PNPT1: variants seen among roughly 807,000 people sequenced by gnomAD.
PNPT1 encodes polyribonucleotide nucleotidyltransferase 1.
PNPT1 carries 53 observed loss-of-function variants against 119.5 expected under a neutral mutation model. The ratio of observed to expected loss-of-function variants is 0.44; its 90% CI spans 0.36 to 0.56. PNPT1 has a LOEUF of 0.56. PNPT1 is among the 20% of genes least tolerant of loss of function. PNPT1 has a pLI of 0.00. For synonymous variants in PNPT1, 357 were observed against 322.1 expected (o/e 1.11, Z -1.16); for missense variants, 948 against 938.5 (o/e 1.01, Z -0.13).
intron 15 of PNPT1, among the ~76,000 whole-genome samples, chr2:55,659,547 A>C (rs1215716471): frequency 6.6e-6 from 1 of 151,716 alleles, no homozygotes; most frequent in Non-Finnish European, 1.5e-5. Flanking sequence ...CTAAAACGAT[A>C]TTGTCTGCTA....
intron 8 of PNPT1, among the ~76,000 whole-genome samples, chr2:55,679,394 TTA>T (rs1697177686): frequency 6.6e-6 from 1 of 152,152 alleles, no homozygotes; most frequent in African/African-American, 2.4e-5. Context: ...GAAATTATTT[TTA>T]GACTAAAAAT....
chr2:55,678,557 A>G (rs1017424689), intron 8 of PNPT1, among the ~76,000 whole-genome samples: 1 of 152,178 alleles, frequency 6.6e-6, no homozygotes, highest in Non-Finnish European at 1.5e-5. Context: ...CCTGCCTGTA[A>G]GTCAGATAAG....
At chr2:55,655,018 T>C in intron 17 of PNPT1, 65 bp from the exon 18 acceptor site, 6 of 1,388,008 alleles carry the variant, frequency 4.3e-6, no homozygotes, top group East Asian at 2.3e-5. Context: ...AGTGTTACTA[T>C]TGGTTATTTC....
intron 25 of PNPT1, among the ~76,000 whole-genome samples, chr2:55,641,067 T>A (rs1046974091): frequency 4.0e-5 from 6 of 151,668 alleles, no homozygotes; most frequent in Non-Finnish European, 7.4e-5. Context: ...CTACTAAAAA[T>A]ATAAAAATTA....
At chr2:55,653,816 G>A (rs766595092) in intron 18 of PNPT1, among the ~76,000 whole-genome samples, 7 of 151,720 alleles carry the variant, frequency 4.6e-5, no homozygotes, top group Non-Finnish European at 7.4e-5. Context: ...TGTTATTCAC[G>A]GCCCTCTTTT....
intron 27 of PNPT1, among the ~76,000 whole-genome samples, 153 bp from the exon 28 acceptor site, chr2:55,636,545 C>T (rs1695680889): frequency 6.6e-6 from 1 of 152,196 alleles, no homozygotes; most frequent in African/African-American, 2.4e-5. Context: ...GACGTATACA[C>T]TTAACACATA....
chr2:55,648,631 C>T (rs1696078439), intron 18 of PNPT1, among the ~76,000 whole-genome samples: 1 of 151,988 alleles, frequency 6.6e-6, no homozygotes, highest in African/African-American at 2.4e-5. Flanking sequence ...TTGAGAACTC[C>T]CTGTTCATGG....
chr2:55,648,306 C>T (rs569225948), intron 18 of PNPT1, among the ~76,000 whole-genome samples: 3 of 152,320 alleles, frequency 2.0e-5, no homozygotes, highest in African/African-American at 7.2e-5. Context: ...CAAAGCTCTA[C>T]TTTATTCCTT....
At position 55,671,313 on chromosome 2, in the gene PNPT1, A is replaced by C; in HGVS notation, c.976+6T>G. The C allele has an allele frequency of 6.8e-7, 1 of 1,462,252 alleles. No individual in the cohort carries two copies. The highest frequency in any genetic ancestry group is 2.4e-5 in the East Asian group (1 of 40,928). 90.6% of individuals were successfully genotyped at this position (1,462,252 alleles called of 1,614,324 possible). On this transcript the variant is annotated splice_donor_region_variant and intron_variant, in intron 11 of 27. Coordinates refer to ENST00000447944, the MANE Select transcript of PNPT1 (RefSeq NM_033109.5). ...AAAAAATAAAATAAAATAAAATAAA[A>C]TTTACCTTTTAGTTGTTCCTCCGTA...
At chr2:55,669,353 A>C (rs1039204921) in intron 11 of PNPT1, among the ~76,000 whole-genome samples, 9 of 152,206 alleles carry the variant, frequency 5.9e-5, no homozygotes, top group Admixed American at 1.3e-4. Context: ...CCTATCAATT[A>C]ATTTATGCCA....
intron 18 of PNPT1, 29 bp from the exon 19 acceptor site, chr2:55,647,482 GT>G (rs1270828623): frequency 6.5e-7 from 1 of 1,527,154 alleles, no homozygotes; most frequent in Non-Finnish European, 9.0e-7. Context: ...ACAACTGTGG[GT>G]AATGTGTACA....
chr2:55,689,924 T>C (rs1697537911), intron 1 of PNPT1, among the ~76,000 whole-genome samples: 1 of 152,166 alleles, frequency 6.6e-6, no homozygotes. Flanking sequence ...CAGGCTCAAG[T>C]GATCCTCCCA....
chr2:55,673,193 G>A (rs771492087), intron 8 of PNPT1, 114 bp from the exon 9 acceptor site: 7 of 788,032 alleles, frequency 8.9e-6, no homozygotes, highest in Non-Finnish European at 1.3e-5. Context: ...ACTTCTTAGT[G>A]ATAGATCCAC....
chr2:55,685,197 GA>G lies in PNPT1; in HGVS notation c.298-150del, dbSNP rs1010826548. The stretch of plus-strand genomic sequence containing the variant: ...TACTTAGCATTTTGTATCTTTTGGG[GA>G]GAGGAAAGTTGATAGAAATGTTTCT... On this transcript the variant is annotated intron_variant, in intron 3 of 27. Coordinates refer to ENST00000447944, the MANE Select transcript of PNPT1 (RefSeq NM_033109.5). 7.2e-6 allele frequency: 4 copies of G among 558,238 alleles called. No homozygotes were observed. In the African/African-American group the frequency reaches 7.6e-5, roughly 11 times the overall value. 34.6% of individuals were successfully genotyped at this position (558,238 alleles called of 1,614,324 possible).
chr2:55,691,514 G>C (rs757562012), intron 1 of PNPT1, among the ~76,000 whole-genome samples: 1 of 152,156 alleles, frequency 6.6e-6, no homozygotes, highest in East Asian at 1.9e-4. Context: ...CACATGACAC[G>C]AGTTTAAAAA....
intron 1 of PNPT1, among the ~76,000 whole-genome samples, chr2:55,688,828 T>G (rs549916415): frequency 6.6e-6 from 1 of 152,170 alleles, no homozygotes. Context: ...AAATATTGCC[T>G]ATAAGGACCT....
chr2:55,680,700 A>G lies in PNPT1; in HGVS notation c.565+12T>C, dbSNP rs368148341. 3.1e-6 allele frequency: 5 copies of G among 1,608,342 alleles called. No homozygotes were observed. The African/African-American group carries it at 6.7e-5, about 22-fold the overall frequency. On this transcript the variant is annotated intron_variant, in intron 7 of 27. Coordinates refer to ENST00000447944, the MANE Select transcript of PNPT1 (RefSeq NM_033109.5). ...TACACATATGATTTCTTACTTTTAA[A>G]TCCTAACTTACCAACAGGTCCATTC...
Position 55,656,235 on chromosome 2 carries a change from A to C in PNPT1, c.1352-15T>G. The C allele has an allele frequency of 6.2e-7, 1 of 1,612,694 alleles. No individual in the cohort carries two copies. ...AGCAAGAGCACCTAAATTAGAATAG[A>C]AAACAATAAGTAAAAAATGTATTAA... On this transcript the variant is annotated splice_polypyrimidine_tract_variant and intron_variant, in intron 16 of 27. Coordinates refer to ENST00000447944, the MANE Select transcript of PNPT1 (RefSeq NM_033109.5).
intron 1 of PNPT1, 92 bp downstream of exon 1, chr2:55,693,571 G>A: frequency 3.3e-6 from 5 of 1,530,576 alleles, no homozygotes; most frequent in Admixed American, 3.6e-5. Flanking sequence ...ATAGAGCTGG[G>A]ATACCGGGTT....
Sources: gnomAD v4.1 joint callset for allele counts (sites outside exome capture counted in the v4.1 genomes callset) on GRCh38, gnomAD v4.1.1 for gene constraint, MANE v1.5 for transcripts, NCBI Gene and HGNC (gene_info 2026-07-23, HGNC 2026-07-21) for gene names.